Variants in MAP3K5 observed in about 807,000 individuals in gnomAD.
MAP3K5 encodes the protein ASK-1.
In MAP3K5, 56 loss-of-function variants were observed where a neutral mutation model predicts 158.7. The observed-to-expected ratio is 0.35, with a 90% CI of 0.28 to 0.44. The LOEUF is 0.44. Ranked by LOEUF, MAP3K5 falls within the 20% of genes least tolerant of loss-of-function variation. The pLI is 1.00. For synonymous variants in MAP3K5, 579 were observed against 601.7 expected, an observed-to-expected ratio of 0.96 and a Z score of 0.55; for missense variants, 1,294 against 1,674.8, an observed-to-expected ratio of 0.77 and a Z score of 3.97.
In MAP3K5 at chr6:136,720,555, C is replaced by A. The variant is rs1020964290; in HGVS notation, c.483G>T (p.Arg161=). The A allele has an allele frequency of 6.2e-7, 1 of 1,612,614 alleles. No homozygotes were observed. The highest frequency in any genetic ancestry group is 1.3e-5 in the African/African-American group (1 of 74,836). Residue 161 remains arginine (R), a synonymous_variant, in exon 2 of 30, where the codon CGG becomes CGT. Coordinates refer to ENST00000359015, the MANE Select transcript of MAP3K5 (RefSeq NM_005923.4). ...CAAGGTGGTAAAACAAGGACGGCTG[C>A]CGGAAGGCATCGCTCATCTCCACCA... ...IAVVEMSDAF[R]QPSLFYHLGV... is the part of the protein sequence containing the mutation.
intron 1 of MAP3K5, among the ~76,000 whole-genome samples, chr6:136,743,267 G>A (rs1052402074): frequency 3.9e-5 from 6 of 152,100 alleles, no homozygotes; most frequent in African/African-American, 1.2e-4. Flanking sequence ...TGGCTAACAC[G>A]GTGAAACCCC....
intron 11 of MAP3K5, among the ~76,000 whole-genome samples, chr6:136,645,087 C>T (rs1778185850): frequency 6.6e-6 from 1 of 152,102 alleles, no homozygotes; most frequent in African/African-American, 2.4e-5. Context: ...TATCACCAAA[C>T]CTGGTTAATT....
chr6:136,729,835 C>G (rs571474321), intron 1 of MAP3K5, among the ~76,000 whole-genome samples: 1 of 152,328 alleles, frequency 6.6e-6, no homozygotes, highest in South Asian at 2.1e-4. Context: ...TCAACTAACA[C>G]AGACAACATG....
intron 27 of MAP3K5, 75 bp from the exon 28 acceptor site, chr6:136,561,720 C>T: frequency 1.3e-6 from 1 of 791,552 alleles, no homozygotes; most frequent in South Asian, 1.5e-5. Flanking sequence ...AATCAACAGA[C>T]ATTTATTGAT....
intron 23 of MAP3K5, 36 bp from the exon 24 acceptor site, chr6:136,583,776 A>G: frequency 1.3e-6 from 2 of 1,579,558 alleles, no homozygotes; most frequent in Non-Finnish European, 1.7e-6. Flanking sequence ...ACATCAACAT[A>G]TGCTGGATAT....
At chr6:136,602,020 GAA>G in intron 19 of MAP3K5, 41 bp from the exon 20 acceptor site, 2 of 1,533,392 alleles carry the variant, frequency 1.3e-6, no homozygotes, top group East Asian at 2.3e-5. Context: ...CCTTCTGAGT[GAA>G]CATCTCAGCA....
rs1476956060 is a variant in MAP3K5, at chr6:136,772,043, G to A, written c.448+19667C>T. Among the ~76,000 whole-genome samples the A allele has an allele frequency of 2.7e-5, 4 of 149,948 alleles. No individual in the cohort carries two copies. In the East Asian group the frequency reaches 7.9e-4, roughly 30 times the overall value. On this transcript the variant is annotated intron_variant, in intron 1 of 29. Coordinates refer to ENST00000359015, the MANE Select transcript of MAP3K5 (RefSeq NM_005923.4). ...CCTGCCTCAGCCTCCCAACTAGCTG[G>A]GACTACAGGCGTGTGCCACCACGCC...
At chr6:136,656,852 C>A (rs1386015186) in intron 9 of MAP3K5, among the ~76,000 whole-genome samples, 2 of 152,192 alleles carry the variant, frequency 1.3e-5, no homozygotes, top group Non-Finnish European at 2.9e-5. Context: ...GAACTCCTGA[C>A]CTCAAGTGAT....
intron 24 of MAP3K5, among the ~76,000 whole-genome samples, chr6:136,581,042 C>T (rs541763313): frequency 3.0e-4 from 45 of 152,232 alleles, no homozygotes; most frequent in African/African-American, 1.0e-3. Context: ...ATTGTACTAC[C>T]ATCACCGCCA....
intron 7 of MAP3K5, among the ~76,000 whole-genome samples, chr6:136,688,737 A>G (rs182294175): frequency 2.6e-5 from 4 of 152,328 alleles, no homozygotes; most frequent in South Asian, 2.1e-4. Context: ...TTCAAATGGA[A>G]AAACACTTCT....
At chr6:136,630,641 AG>A (rs1435157451) in intron 14 of MAP3K5, among the ~76,000 whole-genome samples, 1 of 152,238 alleles carries the variant, frequency 6.6e-6, no homozygotes, top group East Asian at 1.9e-4. Flanking sequence ...TTGCACCTAG[AG>A]GAGATGTTGC....
chr6:136,593,622 T>A (rs537438484), intron 21 of MAP3K5: 1 of 363,854 alleles, frequency 2.7e-6, no homozygotes, highest in South Asian at 2.1e-5. Context: ...CCCAAATGTA[T>A]ATAAAACTTC....
intron 28 of MAP3K5, among the ~76,000 whole-genome samples, chr6:136,559,389 C>T (rs28501354): frequency 3.4e-4 from 35 of 102,152 alleles, no homozygotes; most frequent in African/African-American, 1.4e-3. Context: ...AAAACAAAAA[C>T]AAGAAATGCA....
At chr6:136,745,031 T>C (rs1346716540) in intron 1 of MAP3K5, among the ~76,000 whole-genome samples, 1 of 152,080 alleles carries the variant, frequency 6.6e-6, no homozygotes, top group African/African-American at 2.4e-5. Flanking sequence ...TTAATGGAAA[T>C]AAATTGCTCT....
In MAP3K5 at chr6:136,562,557, T is replaced by C. The variant is rs757390283; in HGVS notation, c.3820A>G (p.Ile1274Val). ...TTAATTTCTTGGTCTTTTTCTTCAATAGCTCGATGAAGGAGTGCTTGTAAT... is the reference window on the plus strand; with the variant it reads ...TTAATTTCTTGGTCTTTTTCTTCAACAGCTCGATGAAGGAGTGCTTGTAAT... ...KELQALLHRA[I>V]EEKDQEIKHL... The change falls in exon 27 of 30, where the codon ATT becomes GTT. Residue 1274 changes from isoleucine to valine, a missense_variant. Ile to Val is a conservative substitution (Grantham distance 29). This residue lies in a region of MAP3K5 where 199 missense variants were observed against 220.3 expected (regional missense o/e 0.90). Transcript: ENST00000359015. 1.2e-6 allele frequency: 2 copies of C among 1,604,758 alleles called. No homozygotes were observed. Among genetic ancestry groups the C allele is most frequent in the East Asian group, 2.3e-5 (1 of 43,670 alleles).
intron 2 of MAP3K5, among the ~76,000 whole-genome samples, chr6:136,708,267 AT>A (rs1268049530): frequency 7.5e-6 from 1 of 134,172 alleles, no homozygotes; most frequent in Non-Finnish European, 1.7e-5. Flanking sequence ...TTTTTTTTTA[AT>A]TTTTTGAGAC....
At position 136,574,222 on chromosome 6, in the gene MAP3K5, C is replaced by T. The variant is rs754133091; in HGVS notation, c.3517+6079G>A. Among the ~76,000 whole-genome samples, 7 of 152,196 alleles carry T rather than the reference C, an allele frequency of 4.6e-5. No homozygotes were observed. In the South Asian group the frequency reaches 6.2e-4, roughly 13 times the overall value. On this transcript the variant is annotated intron_variant, in intron 25 of 29. Transcript: ENST00000359015. ...CTGAGATTATAGGCATGAGCCACCA[C>T]GCTTGGCCTAGACCAAGCTTCTTTA...
chr6:136,721,265 T>C (rs9389429), intron 1 of MAP3K5, among the ~76,000 whole-genome samples: 58,060 of 150,378 alleles, frequency 0.39, 12,399 homozygotes, highest in Middle Eastern at 0.49. Context: ...AGCAGTAACA[T>C]ATATAAAACG....
Position 136,698,499 on chromosome 6 carries a change from C to T in MAP3K5, c.796G>A (p.Ala266Thr), listed in dbSNP as rs762916403. Residue 266 changes from alanine (A) to threonine (T), a missense_variant, in exon 4 of 30, where the codon GCA becomes ACA. Physicochemically the swap from Ala to Thr is moderately conservative, Grantham distance 58. Around this residue, in one of 5 missense-constraint regions of MAP3K5, gnomAD observed 690 missense variants for 870.5 expected, o/e 0.79. Transcript: ENST00000359015. ...TTAATTAAACTTTACCTAGAACTTG[C>T]TTGTGCCACCTTCAAAAGTTGAATA... ...RFIQLLKVAQ[A>T]SSSQYFRESI... 6.2e-7 allele frequency: 1 copy of T among 1,613,416 alleles called. No homozygotes were observed. The highest frequency in any genetic ancestry group is 8.5e-7 in the Non-Finnish European group (1 of 1,179,718).
Sources: allele counts gnomAD v4.1 joint callset (sites outside exome capture counted in the v4.1 genomes callset), GRCh38; gene constraint gnomAD v4.1.1; regional missense constraint gnomAD v4.1.1; transcripts MANE v1.5; gene names NCBI Gene and HGNC (gene_info 2026-07-23, HGNC 2026-07-21).